AMBRA1: variants seen among roughly 807,000 people sequenced by gnomAD.
The protein encoded by AMBRA1 is activating molecule in BECN1-regulated autophagy protein 1.
In AMBRA1, 47 loss-of-function variants were observed where a neutral mutation model predicts 125.4. The ratio of observed to expected loss-of-function variants is 0.37; its 90% confidence interval spans 0.30 to 0.48. The LOEUF is 0.48. AMBRA1 is among the 20% of genes least tolerant of loss of function. The pLI, the probability that AMBRA1 is intolerant of heterozygous loss-of-function variation, is 0.99. For synonymous variants in AMBRA1, 626 were observed against 655.5 expected, an observed-to-expected ratio of 0.95 and a Z score of 0.69; for missense variants, 1,331 against 1,693.4, an observed-to-expected ratio of 0.79 and a Z score of 3.76.
intron 1 of AMBRA1, among the ~76,000 whole-genome samples, chr11:46,569,436 A>T (rs895235915): frequency 7.5e-5 from 10 of 132,494 alleles, no homozygotes; most frequent in South Asian, 2.4e-4. Context: ...ATTAAAAAAA[A>T]AAAAATATAT....
intron 9 of AMBRA1, among the ~76,000 whole-genome samples, chr11:46,496,239 C>G (rs1426597611): frequency 6.6e-6 from 1 of 151,928 alleles, no homozygotes; most frequent in Admixed American, 6.6e-5. Context: ...AAAAAATTAG[C>G]CAGGCATGGT....
chr11:46,420,655 A>G lies in AMBRA1; in HGVS notation c.2977-2603T>C, dbSNP rs574923431. ...TGATGAGACAATTGTGGCTGGGATC[A>G]CTTAATCTGTTTAGTTTTCCTTCTC... On this transcript the variant is annotated intron_variant, in intron 14 of 17. Transcript: ENST00000683756. Among the ~76,000 whole-genome samples the G allele has an allele frequency of 2.1e-4, 32 of 152,332 alleles. No individual in the cohort carries two copies. In the East Asian group the frequency reaches 2.7e-3, roughly 13 times the overall value.
At chr11:46,488,111 G>A (rs1001603284) in intron 11 of AMBRA1, among the ~76,000 whole-genome samples, 2 of 152,198 alleles carry the variant, frequency 1.3e-5, no homozygotes, top group African/African-American at 4.8e-5. Context: ...CATATCAGTC[G>A]TAGACATATG....
chr11:46,425,080 G>A (rs1269060343), intron 14 of AMBRA1, among the ~76,000 whole-genome samples: 4 of 152,148 alleles, frequency 2.6e-5, no homozygotes, highest in Non-Finnish European at 5.9e-5. Context: ...GTTGCAGTTA[G>A]CCGAGATCAC....
intron 7 of AMBRA1, among the ~76,000 whole-genome samples, chr11:46,539,767 AG>A (rs1273793482): frequency 6.6e-6 from 1 of 152,188 alleles, no homozygotes; most frequent in Non-Finnish European, 1.5e-5. Context: ...TGAAGGCAGA[AG>A]GAATTATTTC....
chr11:46,496,975 G>A (rs1950654149), intron 9 of AMBRA1, among the ~76,000 whole-genome samples: 1 of 151,966 alleles, frequency 6.6e-6, no homozygotes, highest in Non-Finnish European at 1.5e-5. Flanking sequence ...AGCCAGACGT[G>A]ATGGCGAGCG....
intron 14 of AMBRA1, among the ~76,000 whole-genome samples, chr11:46,426,119 T>C (rs1302656938): frequency 6.6e-6 from 1 of 151,518 alleles, no homozygotes; most frequent in Non-Finnish European, 1.5e-5. Flanking sequence ...AGTAAGATGC[T>C]CCCTATTTTC....
intron 7 of AMBRA1, among the ~76,000 whole-genome samples, chr11:46,532,714 C>T (rs910419577): frequency 6.6e-6 from 1 of 152,142 alleles, no homozygotes; most frequent in Non-Finnish European, 1.5e-5. Flanking sequence ...GGATTACAGG[C>T]GTGAGCCACA....
At chr11:46,523,594 CCTT>C (rs1422212174) in intron 7 of AMBRA1, among the ~76,000 whole-genome samples, 1 of 152,168 alleles carries the variant, frequency 6.6e-6, no homozygotes, top group Non-Finnish European at 1.5e-5. Flanking sequence ...ATGTAAATTG[CCTT>C]CTTTTTATTA....
intron 12 of AMBRA1, among the ~76,000 whole-genome samples, chr11:46,442,315 G>GT (rs761717558): frequency 4.0e-4 from 60 of 151,886 alleles, no homozygotes; most frequent in Non-Finnish European, 6.0e-4. Context: ...GCTAATTTTT[G>GT]TATTTTTAGT....
intron 11 of AMBRA1, among the ~76,000 whole-genome samples, chr11:46,481,465 G>C (rs1343728610): frequency 6.6e-6 from 1 of 152,164 alleles, no homozygotes; most frequent in Non-Finnish European, 1.5e-5. Context: ...CCGGGTTCAA[G>C]TGATTCTCCT....
chr11:46,406,981 C>T (rs1224789655), intron 17 of AMBRA1, among the ~76,000 whole-genome samples: 2 of 152,022 alleles, frequency 1.3e-5, no homozygotes, highest in Non-Finnish European at 2.9e-5. Flanking sequence ...GAGTTCGAGA[C>T]CAGCCTGGAC....
At chr11:46,541,858 A>G (rs2135165707) in intron 7 of AMBRA1, 87 bp downstream of exon 7, 1 of 1,539,068 alleles carries the variant, frequency 6.5e-7, no homozygotes, top group South Asian at 1.2e-5. Context: ...CAGACACTCC[A>G]GATACAGCCA....
At chr11:46,558,042 G>A (rs1183962917) in intron 1 of AMBRA1, among the ~76,000 whole-genome samples, 1 of 152,172 alleles carries the variant, frequency 6.6e-6, no homozygotes, top group African/African-American at 2.4e-5. Flanking sequence ...CCAAGCAAAT[G>A]AGTGAAACCT....
At chr11:46,445,278 A>C (rs2171668) in intron 11 of AMBRA1, among the ~76,000 whole-genome samples, 32,553 of 151,992 alleles carry the variant, frequency 0.21, 4,227 homozygotes, top group African/African-American at 0.37. Context: ...ATGAATACCC[A>C]CAAAACAAGA....
chr11:46,401,904 C>T (rs1297455415), intron 17 of AMBRA1, among the ~76,000 whole-genome samples: 1 of 152,226 alleles, frequency 6.6e-6, no homozygotes, highest in East Asian at 1.9e-4. Context: ...AACTCCTTAG[C>T]TTGACATTTG....
intron 11 of AMBRA1, among the ~76,000 whole-genome samples, chr11:46,485,651 A>G (rs924523348): frequency 2.0e-5 from 3 of 152,238 alleles, no homozygotes; most frequent in Non-Finnish European, 4.4e-5. Flanking sequence ...TGCTGTGTAC[A>G]TTTTAAGGTG....
intron 14 of AMBRA1, among the ~76,000 whole-genome samples, chr11:46,424,497 G>A (rs1590768175): frequency 6.6e-6 from 1 of 152,272 alleles, no homozygotes. Context: ...TTCAGCTGAG[G>A]AATCTACTTC....
intron 11 of AMBRA1, among the ~76,000 whole-genome samples, chr11:46,467,911 A>G (rs1949396494): frequency 6.6e-6 from 1 of 152,194 alleles, no homozygotes; most frequent in Admixed American, 6.6e-5. Context: ...CTAGGGCCAC[A>G]TACTGGCAAG....
Sources: allele counts gnomAD v4.1 joint callset (sites outside exome capture counted in the v4.1 genomes callset), GRCh38; gene constraint gnomAD v4.1.1; transcripts MANE v1.5; gene names NCBI Gene and HGNC (gene_info 2026-07-23, HGNC 2026-07-21).